The following SGMS2 variants were observed in gnomAD, a reference collection of about 807,000 sequenced individuals.
SGMS2 encodes the protein sphingomyelin synthase 2.
SGMS2 carries 21 observed loss-of-function variants against 43.8 expected under a neutral mutation model. That is an observed-to-expected ratio of 0.48 (90% CI 0.34 to 0.69). The LOEUF is 0.69. SGMS2 is among the 30% of genes least tolerant of loss of function. SGMS2 has a pLI of 0.01. For missense variants in SGMS2, 384 were observed against 443.2 expected (o/e 0.87, Z 1.20); for synonymous variants, 167 against 160.6 (o/e 1.04, Z -0.30).
chr4:107,897,265 C>T (rs953399353), intron 3 of SGMS2, among the ~76,000 whole-genome samples: 1 of 152,172 alleles, frequency 6.6e-6, no homozygotes, highest in Non-Finnish European at 1.5e-5. Context: ...CTTAATATAA[C>T]TCTTCATGTG....
intron 2 of SGMS2, among the ~76,000 whole-genome samples, chr4:107,886,287 C>T (rs188189523): frequency 6.6e-6 from 1 of 151,732 alleles, no homozygotes; most frequent in Non-Finnish European, 1.5e-5. Flanking sequence ...GCAGCCTCAA[C>T]CTCTTGGGCT....
rs1243839252 is a variant in SGMS2 at position 107,899,656 on chromosome 4, A to G, written c.537A>G (p.Leu179=). Residue 179 remains leucine, a synonymous_variant, in exon 4 of 7, where the codon CTA becomes CTG. Coordinates refer to ENST00000690982, the MANE Select transcript of SGMS2 (RefSeq NM_001375905.1). The part of the protein sequence containing the change: ...YRCITMYVTT[L]PVPGMHFQCA... The stretch of plus-strand genomic sequence containing the variant: ...GCATTACAATGTATGTTACTACTCT[A>G]CCTGTGCCTGGAATGCATTTCCAGT... 1 of 1,612,864 alleles carries G rather than the reference A, an allele frequency of 6.2e-7. No individual in the cohort carries two copies. Among genetic ancestry groups the G allele is most frequent in the Non-Finnish European group, 8.5e-7 (1 of 1,179,476 alleles).
chr4:107,892,110 GA>G (rs34834888), intron 2 of SGMS2, among the ~76,000 whole-genome samples: 66,777 of 136,164 alleles, frequency 0.49, 17,166 homozygotes, highest in African/African-American at 0.7. Context: ...CTAGGAGCAG[GA>G]AAAAAAAAAA....
chr4:107,859,154 T>C (rs1297791484), intron 2 of SGMS2, among the ~76,000 whole-genome samples: 1 of 152,234 alleles, frequency 6.6e-6, no homozygotes, highest in Non-Finnish European at 1.5e-5. Flanking sequence ...ATTTTATTCT[T>C]GAAAATAAAA....
rs981383208 is a variant in SGMS2, at chr4:107,880,736, C to T, written c.-244-14574C>T. ...CTGGGCATGATGGCATGCTTGTAAT[C>T]CCAGCTACACAGGAGGCTGAGGCAT... On this transcript the variant is annotated intron_variant, in intron 2 of 6. Transcript: ENST00000690982. Among the ~76,000 whole-genome samples the T allele has an allele frequency of 4.6e-5, 7 of 151,940 alleles. 2 individuals are homozygous for T. The highest frequency in any genetic ancestry group is 4.6e-4 in the Admixed American group (7 of 15,250).
intron 2 of SGMS2, among the ~76,000 whole-genome samples, chr4:107,875,343 A>C (rs1267563441): frequency 6.6e-6 from 1 of 152,228 alleles, no homozygotes; most frequent in Non-Finnish European, 1.5e-5. Flanking sequence ...GAATGAGATC[A>C]TGTCCTGTGC....
At chr4:107,827,046 G>A (rs959136916) in intron 1 of SGMS2, among the ~76,000 whole-genome samples, 8 of 152,120 alleles carry the variant, frequency 5.3e-5, no homozygotes, top group African/African-American at 1.7e-4. Context: ...CAAAATATAG[G>A]GGAAAAATAG....
At chr4:107,897,503 T>C (rs899312065) in intron 3 of SGMS2, among the ~76,000 whole-genome samples, 3 of 152,200 alleles carry the variant, frequency 2.0e-5, no homozygotes, top group Admixed American at 6.5e-5. Context: ...TTTATTGATA[T>C]ATGTGTGAAA....
At chr4:107,848,991 TC>T (rs1329500324) in intron 1 of SGMS2, among the ~76,000 whole-genome samples, 1 of 152,226 alleles carries the variant, frequency 6.6e-6, no homozygotes, top group Non-Finnish European at 1.5e-5. Context: ...TAGATTTTCT[TC>T]TATGTTATCT....
chr4:107,877,913 C>CTTTTTTTTTTT (rs774442653), intron 2 of SGMS2, among the ~76,000 whole-genome samples: 139 of 102,154 alleles, frequency 1.4e-3, no homozygotes, highest in Middle Eastern at 5.7e-3. Flanking sequence ...TTTTTCTTTT[C>CTTTTTTTTTTT]TTTTTTTTTT....
chr4:107,881,892 T>A (rs1218587062), intron 2 of SGMS2, among the ~76,000 whole-genome samples: 1 of 152,188 alleles, frequency 6.6e-6, no homozygotes, highest in African/African-American at 2.4e-5. Context: ...CCTGGCTTAT[T>A]TCAATTAACA....
intron 1 of SGMS2, among the ~76,000 whole-genome samples, chr4:107,829,104 A>G (rs1022865131): frequency 6.6e-6 from 1 of 152,224 alleles, no homozygotes; most frequent in African/African-American, 2.4e-5. Context: ...CAGGTGTTGC[A>G]TTTAGCAGAC....
chr4:107,844,323 C>CA (rs59121884), intron 1 of SGMS2, among the ~76,000 whole-genome samples: 7,162 of 143,380 alleles, frequency 0.05, 557 homozygotes, highest in African/African-American at 0.17. Context: ...GACTCTATCT[C>CA]AAAAAAAAAA....
At chr4:107,903,531 ATG>A (rs935281376) in intron 5 of SGMS2, 145 bp downstream of exon 5, 23 of 664,872 alleles carry the variant, frequency 3.5e-5, no homozygotes, top group Non-Finnish European at 3.8e-5. Context: ...GTGAATGTGA[ATG>A]TGTGTGTGTG....
At chr4:107,882,393 C>A (rs1164394177) in intron 2 of SGMS2, among the ~76,000 whole-genome samples, 2 of 152,146 alleles carry the variant, frequency 1.3e-5, no homozygotes, top group African/African-American at 4.8e-5. Context: ...TAGCTGTTTG[C>A]CATCTGTCTG....
Position 107,908,597 on chromosome 4 carries a change from A to G in SGMS2, c.760A>G (p.Ile254Val). 1 of 1,614,006 alleles carries G rather than the reference A, an allele frequency of 6.2e-7. No individual in the cohort carries two copies. The highest frequency in any genetic ancestry group is 1.1e-5 in the South Asian group (1 of 91,058). ...SPRHFWWYHLICWLLSAAGII... is the reference protein window; with the variant it reads ...SPRHFWWYHLVCWLLSAAGII... ...TCGTCACTTCTGGTGGTATCATTTA[A>G]TCTGCTGGCTGCTGAGTGCTGCCGG... Residue 254 changes from isoleucine to valine, a missense_variant, in exon 6 of 7, where the codon ATC becomes GTC. Ile to Val is a conservative substitution (Grantham distance 29, BLOSUM62 3). Coordinates refer to ENST00000690982, the MANE Select transcript of SGMS2 (RefSeq NM_001375905.1).
In SGMS2 at chr4:107,854,062, A is replaced by T. The variant is rs545408263; in HGVS notation, c.-326-4410A>T. Among the ~76,000 whole-genome samples, 6 of 152,340 alleles carry T rather than the reference A, an allele frequency of 3.9e-5. No homozygotes were observed. In the South Asian group the frequency reaches 1.0e-3, roughly 26 times the overall value. Reference sequence around the variant, plus strand: ...AAATGAAAATACATTGCTATAGTTGATTAATAAGATTATTACCATTTTATC... The same window carrying T: ...AAATGAAAATACATTGCTATAGTTGTTTAATAAGATTATTACCATTTTATC... On this transcript the variant is annotated intron_variant, in intron 1 of 6. Transcript: ENST00000690982.
rs575293279 is a variant in SGMS2, at chr4:107,904,661, T to C, written c.727+1275T>C. 3.6e-4 allele frequency among the ~76,000 whole-genome samples: 55 copies of C among 152,212 alleles called. 1 individual carries two copies. Among genetic ancestry groups the C allele is most frequent in the African/African-American group, 1.3e-3 (54 of 41,546 alleles). ...GGTCTTCATACTTGACTTAAAAGCTTTTTCCTTATTTCTGTTCTCACACTC... is the reference window on the plus strand; with the variant it reads ...GGTCTTCATACTTGACTTAAAAGCTCTTTCCTTATTTCTGTTCTCACACTC... On this transcript the variant is annotated intron_variant, in intron 5 of 6. Coordinates refer to ENST00000690982, the MANE Select transcript of SGMS2 (RefSeq NM_001375905.1).
At position 107,911,066 on chromosome 4, in the gene SGMS2, T is replaced by G. The variant is rs963248909; in HGVS notation, c.*513T>G. On this transcript the variant is annotated 3_prime_UTR_variant, in exon 7 of 7. Transcript: ENST00000690982. Reference sequence around the variant, plus strand: ...CTTTGGGTGAATTTTGTTTCTACCCTGTCACGGGGAAAGTTCGGGTTGAGT... The same window carrying G: ...CTTTGGGTGAATTTTGTTTCTACCCGGTCACGGGGAAAGTTCGGGTTGAGT... 6.5e-6 allele frequency: 1 copy of G among 154,018 alleles called. No individual in the cohort carries two copies. The highest frequency in any genetic ancestry group is 2.4e-5 in the African/African-American group (1 of 41,432). 9.5% of individuals were successfully genotyped at this position (154,018 alleles called of 1,614,324 possible).
Sources: allele counts gnomAD v4.1 joint callset (sites outside exome capture counted in the v4.1 genomes callset), GRCh38; gene constraint gnomAD v4.1.1; transcripts MANE v1.5; gene names NCBI Gene and HGNC (gene_info 2026-07-23, HGNC 2026-07-21).